Variants in C8orf34 observed in about 807,000 individuals in gnomAD.
C8orf34 encodes uncharacterized protein C8orf34.
In C8orf34, 65 loss-of-function variants were observed where a neutral mutation model predicts 68.3. The observed-to-expected ratio is 0.95, with a 90% confidence interval of 0.78 to 1.17. C8orf34 has a LOEUF of 1.17. Ranked by LOEUF, C8orf34 falls within the 50% of genes most tolerant of loss-of-function variation. The pLI, the probability that C8orf34 is intolerant of heterozygous loss-of-function variation, is 0.00. For missense variants in C8orf34, 664 were observed against 655.4 expected (o/e 1.01, Z -0.14); for synonymous variants, 244 against 241.2 (o/e 1.01, Z -0.11).
In C8orf34 at chr8:68,794,128, G is replaced by A. The variant is rs192523017; in HGVS notation, c.1549+6592G>A. On this transcript the variant is annotated intron_variant, in intron 12 of 13. Coordinates refer to ENST00000518698, the MANE Select transcript of C8orf34 (RefSeq NM_052958.4). ...AATTATTGGAACCAGAAGTGTTTCA[G>A]ATTTTTGATATTTTTGATTTCGGAA... 2.1e-3 allele frequency among the ~76,000 whole-genome samples: 313 copies of A among 152,014 alleles called. 4 individuals carry two copies. Among genetic ancestry groups the A allele is most frequent in the Admixed American group, 0.016 (250 of 15,254 alleles).
intron 6 of C8orf34, among the ~76,000 whole-genome samples, chr8:68,523,567 A>G (rs1814848750): frequency 6.6e-6 from 1 of 152,196 alleles, no homozygotes; most frequent in Admixed American, 6.6e-5. Flanking sequence ...GTGACAAGAA[A>G]GAGCTGGTGA....
intron 11 of C8orf34, among the ~76,000 whole-genome samples, chr8:68,778,358 G>T (rs1371498222): frequency 2.0e-5 from 3 of 152,074 alleles, no homozygotes; most frequent in Admixed American, 1.3e-4. Context: ...TCAAACCATA[G>T]TGTTTACATT....
chr8:68,687,756 A>C (rs1186087846), intron 8 of C8orf34, among the ~76,000 whole-genome samples: 1 of 152,002 alleles, frequency 6.6e-6, no homozygotes, highest in Admixed American at 6.6e-5. Context: ...AACAAAAATA[A>C]ATAAATAGGA....
chr8:68,452,126 G>A (rs995175597), intron 3 of C8orf34, among the ~76,000 whole-genome samples: 2 of 151,726 alleles, frequency 1.3e-5, no homozygotes, highest in Non-Finnish European at 2.9e-5. Flanking sequence ...CTGCTGATGG[G>A]TATTTTGTTT....
intron 7 of C8orf34, among the ~76,000 whole-genome samples, chr8:68,591,327 A>T (rs1817382862): frequency 6.6e-6 from 1 of 152,170 alleles, no homozygotes; most frequent in African/African-American, 2.4e-5. Flanking sequence ...TTCTTTGCAT[A>T]TTTGGGCAAT....
chr8:68,461,789 A>C (rs1482689940), intron 3 of C8orf34, among the ~76,000 whole-genome samples: 1 of 152,214 alleles, frequency 6.6e-6, no homozygotes, highest in Non-Finnish European at 1.5e-5. Flanking sequence ...CTCCTGAAGG[A>C]AGCACTAAAC....
intron 10 of C8orf34, among the ~76,000 whole-genome samples, chr8:68,755,521 T>A (rs1163412560): frequency 6.6e-6 from 1 of 152,194 alleles, no homozygotes; most frequent in Non-Finnish European, 1.5e-5. Flanking sequence ...AATTTTACAG[T>A]TGTAGAAACT....
At chr8:68,804,554 A>T (rs930494000) in intron 12 of C8orf34, among the ~76,000 whole-genome samples, 1 of 152,126 alleles carries the variant, frequency 6.6e-6, no homozygotes, top group Non-Finnish European at 1.5e-5. Flanking sequence ...GCCAAGGCAG[A>T]CAGATTGCTT....
intron 1 of C8orf34, among the ~76,000 whole-genome samples, chr8:68,345,851 A>G (rs1488787035): frequency 6.6e-6 from 1 of 151,972 alleles, no homozygotes; most frequent in Non-Finnish European, 1.5e-5. Context: ...AATACACAAT[A>G]GCATTTAGAA....
At chr8:68,587,099 G>A (rs1388684066) in intron 7 of C8orf34, among the ~76,000 whole-genome samples, 4 of 152,054 alleles carry the variant, frequency 2.6e-5, no homozygotes, top group Admixed American at 1.3e-4. Flanking sequence ...GTGATTAAAG[G>A]CACAGACTTT....
chr8:68,421,188 T>A (rs1212937192), intron 1 of C8orf34, among the ~76,000 whole-genome samples: 1 of 152,214 alleles, frequency 6.6e-6, no homozygotes, highest in African/African-American at 2.4e-5. Flanking sequence ...ACTTTCCCTG[T>A]TCCTCTATTC....
At chr8:68,463,120 T>A (rs1811925753) in intron 3 of C8orf34, among the ~76,000 whole-genome samples, 1 of 152,044 alleles carries the variant, frequency 6.6e-6, no homozygotes, top group Admixed American at 6.5e-5. Context: ...TCACCACTGA[T>A]CCCACAGAAA....
intron 9 of C8orf34, among the ~76,000 whole-genome samples, chr8:68,721,018 T>A (rs1821656331): frequency 6.6e-6 from 1 of 151,850 alleles, no homozygotes; most frequent in Admixed American, 6.6e-5. Context: ...AAAGAAATAA[T>A]CATGAAATTA....
intron 1 of C8orf34, among the ~76,000 whole-genome samples, chr8:68,373,096 A>C (rs989278684): frequency 6.6e-6 from 1 of 152,080 alleles, no homozygotes; most frequent in African/African-American, 2.4e-5. Flanking sequence ...CCTGCATTCA[A>C]TCAATTCTCC....
At chr8:68,653,561 A>C (rs373020119) in intron 8 of C8orf34, among the ~76,000 whole-genome samples, 13 of 152,200 alleles carry the variant, frequency 8.5e-5, no homozygotes, top group African/African-American at 3.1e-4. Flanking sequence ...AGAGGCTGGA[A>C]GTCTGAGATT....
chr8:68,430,913 T>C (rs572150913), intron 1 of C8orf34, among the ~76,000 whole-genome samples: 3 of 152,254 alleles, frequency 2.0e-5, no homozygotes, highest in South Asian at 4.2e-4. Flanking sequence ...GGAAGACACA[T>C]TGCTATGAAA....
intron 1 of C8orf34, among the ~76,000 whole-genome samples, chr8:68,401,998 T>G (rs577540093): frequency 1.2e-3 from 177 of 152,106 alleles, no homozygotes; most frequent in African/African-American, 4.0e-3. Flanking sequence ...TATTAGCTAT[T>G]TGTAGGTTTG....
At chr8:68,430,187 TA>T (rs961681901) in intron 1 of C8orf34, among the ~76,000 whole-genome samples, 1 of 151,676 alleles carries the variant, frequency 6.6e-6, no homozygotes, top group Admixed American at 6.6e-5. Flanking sequence ...ATAAAAAAAT[TA>T]AAAAAAACCT....
chr8:68,665,048 T>A (rs2130822174), intron 8 of C8orf34, among the ~76,000 whole-genome samples: 1 of 152,350 alleles, frequency 6.6e-6, no homozygotes, highest in East Asian at 1.9e-4. Context: ...TTGCAAACGC[T>A]AATTCTCTTC....
Sources: gnomAD v4.1 joint callset for allele counts (sites outside exome capture counted in the v4.1 genomes callset) on GRCh38, gnomAD v4.1.1 for gene constraint, MANE v1.5 for transcripts, NCBI Gene and HGNC (gene_info 2026-07-23, HGNC 2026-07-21) for gene names.